The following MPDZ variants were observed in gnomAD, a reference collection of about 807,000 sequenced individuals.
The protein encoded by MPDZ is multiple PDZ domain crumbs cell polarity complex component, also known as multiple PDZ domain protein.
MPDZ carries 234 observed loss-of-function variants against 239.1 expected under a neutral mutation model. That is an observed-to-expected ratio of 0.98 (90% CI 0.88 to 1.09). The LOEUF is 1.09. MPDZ is among the 50% of genes least tolerant of loss of function. MPDZ has a pLI of 0.00. For missense variants in MPDZ, 3,175 were observed against 2,510.0 expected, an observed-to-expected ratio of 1.26 and a Z score of -5.66; for synonymous variants, 1,048 against 881.3, an observed-to-expected ratio of 1.19 and a Z score of -3.35.
intron 26 of MPDZ, among the ~76,000 whole-genome samples, chr9:13,145,501 G>A (rs927786847): frequency 6.6e-6 from 1 of 151,992 alleles, no homozygotes; most frequent in Non-Finnish European, 1.5e-5. Context: ...TATATCTACA[G>A]ATAACACAAT....
At chr9:13,140,346 C>T (rs1403116887) in intron 27 of MPDZ, among the ~76,000 whole-genome samples, 197 bp from the exon 28 acceptor site, 3 of 143,552 alleles carry the variant, frequency 2.1e-5, no homozygotes, top group African/African-American at 5.1e-5. Context: ...TATATAATAC[C>T]TAACAAATAA....
chr9:13,192,093 A>T (rs1452060329), intron 15 of MPDZ, 38 bp downstream of exon 15: 2 of 1,479,256 alleles, frequency 1.4e-6, no homozygotes, highest in Non-Finnish European at 1.8e-6. Context: ...CCTTTCCATT[A>T]TATATGTAGG....
At position 13,110,667 on chromosome 9, in the gene MPDZ, A is replaced by C; in HGVS notation, c.5798T>G (p.Leu1933Arg). 2 of 1,613,722 alleles carry C rather than the reference A, an allele frequency of 1.2e-6. No individual in the cohort carries two copies. The change falls in exon 44 of 47, where the codon CTG (leucine) becomes CGG (arginine). Residue 1933 changes from leucine to arginine, a missense_variant. Leu to Arg is a moderately radical substitution (Grantham distance 102). Coordinates refer to ENST00000319217, the MANE Select transcript of MPDZ (RefSeq NM_001378778.1). ...GMTHTQAVNLLKNASGSIEMQ... is the reference protein window; with the variant it reads ...GMTHTQAVNLRKNASGSIEMQ... ...TTCAATGGAGCCAGATGCATTTTTC[A>C]GTAGGTTAACTGCTTGGGTGTGAGT...
At chr9:13,153,014 A>G (rs905290444) in intron 24 of MPDZ, among the ~76,000 whole-genome samples, 1 of 152,176 alleles carries the variant, frequency 6.6e-6, no homozygotes, top group Non-Finnish European at 1.5e-5. Context: ...AATCTGCTCC[A>G]TGCTGCACAA....
At chr9:13,144,475 C>T (rs1948173553) in intron 26 of MPDZ, among the ~76,000 whole-genome samples, 4 of 151,984 alleles carry the variant, frequency 2.6e-5, no homozygotes, top group Admixed American at 2.6e-4. Context: ...CACCCGCTAT[C>T]TTTTTCTTTT....
intron 24 of MPDZ, among the ~76,000 whole-genome samples, chr9:13,152,967 G>A (rs1025215567): frequency 1.3e-5 from 2 of 152,062 alleles, no homozygotes; most frequent in Non-Finnish European, 2.9e-5. Context: ...GAGGAAAATC[G>A]ACGAAACAGA....
At chr9:13,273,776 A>G (rs891763701) in intron 1 of MPDZ, among the ~76,000 whole-genome samples, 4 of 152,246 alleles carry the variant, frequency 2.6e-5, no homozygotes, top group Non-Finnish European at 5.9e-5. Flanking sequence ...CAGTATAAAC[A>G]TTGACTATTA....
Position 13,193,322 on chromosome 9 carries a change from A to T in MPDZ, c.1657-9T>A. On this transcript the variant is annotated splice_polypyrimidine_tract_variant and intron_variant, in intron 13 of 46. Transcript: ENST00000319217. Reference sequence around the variant, plus strand: ...TTGCTCACATGGGCCACCTGAAAAGAAAAAAAAAAAGATCACCACAATTTT... The same window carrying T: ...TTGCTCACATGGGCCACCTGAAAAGTAAAAAAAAAAGATCACCACAATTTT... The T allele has an allele frequency of 1.1e-6, 1 of 914,380 alleles. No individual in the cohort carries two copies. 56.6% of individuals were successfully genotyped at this position (914,380 alleles called of 1,614,324 possible). A position where few individuals can be genotyped will look rare whatever the true frequency, so the allele number is the denominator to read the frequency against.
intron 1 of MPDZ, among the ~76,000 whole-genome samples, chr9:13,270,152 A>C (rs1275207181): frequency 6.6e-6 from 1 of 152,188 alleles, no homozygotes; most frequent in Non-Finnish European, 1.5e-5. Context: ...ACTGCTTTTT[A>C]CTCTGGCACT....
chr9:13,114,462 C>T (rs971959816), intron 40 of MPDZ, among the ~76,000 whole-genome samples: 2 of 152,076 alleles, frequency 1.3e-5, no homozygotes, highest in African/African-American at 2.4e-5. Flanking sequence ...GTAGACAACA[C>T]TGAGGAGAAG....
At chr9:13,229,281 C>T (rs1961642354) in intron 3 of MPDZ, among the ~76,000 whole-genome samples, 1 of 151,888 alleles carries the variant, frequency 6.6e-6, no homozygotes, top group Admixed American at 6.6e-5. Flanking sequence ...AGGCAGTATC[C>T]AGCCCACATT....
chr9:13,244,308 G>C (rs1032616489), intron 3 of MPDZ, among the ~76,000 whole-genome samples: 6 of 152,120 alleles, frequency 3.9e-5, no homozygotes, highest in Non-Finnish European at 8.8e-5. Context: ...CCCCACAATA[G>C]CTGGATTTTT....
In MPDZ at chr9:13,190,265, G is replaced by A; in HGVS notation, c.2003C>T (p.Ser668Leu). 3 of 1,607,498 alleles carry A rather than the reference G, an allele frequency of 1.9e-6. No individual in the cohort carries two copies. The highest frequency in any genetic ancestry group is 2.5e-6 in the Non-Finnish European group (3 of 1,177,268). ...HVDLGEFIGS[S>L]ETEDPVLAMT... ...CGCCAGCACTGGATCCTCTGTCTCT[G>A]ATGACCCGATGAACTCACCTAGATC... The change falls in exon 16 of 47, where the codon TCA becomes TTA. Residue 668 changes from serine to leucine, a missense_variant. By Grantham distance (145) the Ser-to-Leu change is moderately radical. Coordinates refer to ENST00000319217, the MANE Select transcript of MPDZ (RefSeq NM_001378778.1).
intron 19 of MPDZ, among the ~76,000 whole-genome samples, chr9:13,180,452 G>A (rs539519152): frequency 2.4e-4 from 36 of 152,050 alleles, no homozygotes; most frequent in Non-Finnish European, 4.1e-4. Flanking sequence ...GAGTGTACAC[G>A]GGAGGGCAGG....
intron 27 of MPDZ, 135 bp from the exon 28 acceptor site, chr9:13,140,284 G>A (rs1947456730): frequency 2.0e-5 from 9 of 459,532 alleles, no homozygotes; most frequent in Non-Finnish European, 2.8e-5. Flanking sequence ...GCTCATATAT[G>A]TATATAATAT....
chr9:13,214,234 C>A (rs977519197), intron 10 of MPDZ, among the ~76,000 whole-genome samples: 1 of 151,892 alleles, frequency 6.6e-6, no homozygotes, highest in Non-Finnish European at 1.5e-5. Flanking sequence ...GAATATTATT[C>A]AGCAATAAAG....
At chr9:13,137,196 C>T (rs1946951181) in intron 29 of MPDZ, among the ~76,000 whole-genome samples, 1 of 152,024 alleles carries the variant, frequency 6.6e-6, no homozygotes, top group Admixed American at 6.6e-5. Flanking sequence ...GTCATATTTC[C>T]CACTTAGTCT....
intron 38 of MPDZ, chr9:13,119,968 T>TA (rs1944085956): frequency 3.2e-6 from 1 of 310,472 alleles, no homozygotes; most frequent in Non-Finnish European, 6.1e-6. Context: ...AAGTAAGACT[T>TA]AAGAGTCAGT....
chr9:13,126,020 T>C (rs550058539), intron 34 of MPDZ, among the ~76,000 whole-genome samples: 1 of 152,282 alleles, frequency 6.6e-6, no homozygotes, highest in African/African-American at 2.4e-5. Flanking sequence ...AACAAAGCTT[T>C]TTTCTGGCAC....
Sources: allele counts gnomAD v4.1 joint callset (sites outside exome capture counted in the v4.1 genomes callset), GRCh38; gene constraint gnomAD v4.1.1; transcripts MANE v1.5; gene names NCBI Gene and HGNC (gene_info 2026-07-23, HGNC 2026-07-21).